The following MYO18B variants were observed in gnomAD, a reference collection of about 807,000 sequenced individuals.
The protein encoded by MYO18B is myosin XVIIIB.
Under a neutral mutation model 273.0 loss-of-function variants are expected in MYO18B, and 204 were observed. That is an observed-to-expected ratio of 0.75 (90% CI 0.67 to 0.84). MYO18B has a LOEUF of 0.84. Among genes scored for constraint, MYO18B ranks in the 40% least tolerant of loss-of-function variants. MYO18B has a pLI of 0.00. For synonymous variants in MYO18B, 1,330 were observed against 1,305.7 expected, an observed-to-expected ratio of 1.02 and a Z score of -0.40; for missense variants, 3,212 against 3,287.6, an observed-to-expected ratio of 0.98 and a Z score of 0.56.
chr22:25,933,504 C>G (rs2092537046), intron 34 of MYO18B, among the ~76,000 whole-genome samples: 1 of 152,224 alleles, frequency 6.6e-6, no homozygotes, highest in South Asian at 2.1e-4. Context: ...GAGAAATTCT[C>G]ACCATCCACA....
chr22:25,885,253 G>C (rs1298753501), intron 25 of MYO18B, among the ~76,000 whole-genome samples: 2 of 152,208 alleles, frequency 1.3e-5, no homozygotes, highest in Non-Finnish European at 2.9e-5. Flanking sequence ...CACAGATGAG[G>C]CAAGGGAAGC....
chr22:25,986,033 C>T lies in MYO18B; in HGVS notation c.6157-6330C>T, dbSNP rs141187302. The stretch of plus-strand genomic sequence containing the variant: ...TTTGAAGGAAGCAATGGCAGTTCCT[C>T]ATAGCCTTTCTTTCTGGGAAAGATT... On this transcript the variant is annotated intron_variant, in intron 39 of 43. Coordinates refer to ENST00000335473, the MANE Select transcript of MYO18B (RefSeq NM_032608.7). Among the ~76,000 whole-genome samples, 123 of 152,336 alleles carry T rather than the reference C, an allele frequency of 8.1e-4. 2 individuals carry two copies. The highest frequency in any genetic ancestry group is 2.9e-3 in the African/African-American group (121 of 41,586).
intron 12 of MYO18B, among the ~76,000 whole-genome samples, chr22:25,812,681 A>G (rs2088816541): frequency 6.6e-6 from 1 of 152,164 alleles, no homozygotes; most frequent in South Asian, 2.1e-4. Context: ...GCCAGTTCCC[A>G]TAGAGATCTC....
chr22:25,914,253 A>G (rs939427741), intron 33 of MYO18B, among the ~76,000 whole-genome samples: 2 of 152,046 alleles, frequency 1.3e-5, no homozygotes, highest in African/African-American at 2.4e-5. Context: ...TGACCCTTTA[A>G]TCTTCTTATT....
At chr22:25,873,689 C>T (rs1372384419) in intron 22 of MYO18B, among the ~76,000 whole-genome samples, 2 of 152,224 alleles carry the variant, frequency 1.3e-5, no homozygotes, top group African/African-American at 4.8e-5. Context: ...ATCCGCCCAC[C>T]TCAGCCTCCC....
intron 24 of MYO18B, 117 bp from the exon 25 acceptor site, chr22:25,877,842 A>C: frequency 1.4e-6 from 1 of 697,210 alleles, no homozygotes; most frequent in East Asian, 2.8e-5. Context: ...TCTGTGCAAT[A>C]GATTGCTAAG....
At chr22:25,809,211 G>T (rs1371295591) in intron 12 of MYO18B, among the ~76,000 whole-genome samples, 1 of 152,112 alleles carries the variant, frequency 6.6e-6, no homozygotes, top group Non-Finnish European at 1.5e-5. Flanking sequence ...CCAAAGCGCT[G>T]GGATTACAGG....
intron 1 of MYO18B, among the ~76,000 whole-genome samples, chr22:25,760,505 G>C (rs1726212277): frequency 6.6e-6 from 1 of 151,430 alleles, no homozygotes; most frequent in Admixed American, 6.6e-5. Context: ...GAAGTTCTAG[G>C]TCTCTGTTTA....
At position 25,867,133 on chromosome 22, in the gene MYO18B, A is replaced by G. The variant is rs914960398; in HGVS notation, c.3886-1187A>G. ...TTGTTGTGTGTGTGTATTAAAATAT[A>G]TATAACATAAAAGTTAATCTTAACC... On this transcript the variant is annotated intron_variant, in intron 21 of 43. Coordinates refer to ENST00000335473, the MANE Select transcript of MYO18B (RefSeq NM_032608.7). Among the ~76,000 whole-genome samples the G allele has an allele frequency of 3.9e-5, 6 of 152,358 alleles. No individual in the cohort carries two copies. In the East Asian group the frequency reaches 5.8e-4, roughly 15 times the overall value.
chr22:25,747,772 T>C (rs1050747575), intron 1 of MYO18B, among the ~76,000 whole-genome samples: 1 of 152,168 alleles, frequency 6.6e-6, no homozygotes, highest in Non-Finnish European at 1.5e-5. Flanking sequence ...ACCGGGGACA[T>C]AGCTGCTGCC....
rs778221516 is a variant in MYO18B at position 25,777,766 on chromosome 22, G to A, written c.2053G>A (p.Asp685Asn). ...EHLVGMAGSV[D>N]GRVSVEKIRA... ...CCTGGTGGGGATGGCAGGCAGTGTG[G>A]ATGGCAGGGTCTCAGGTATGGTGGT... Residue 685 changes from aspartate (D) to asparagine (N), a missense_variant, in exon 8 of 44, where the codon GAT becomes AAT. Physicochemically the swap from Asp to Asn is conservative, Grantham distance 23 (BLOSUM62 1). Coordinates refer to ENST00000335473, the MANE Select transcript of MYO18B (RefSeq NM_032608.7). The A allele has an allele frequency of 1.9e-6, 3 of 1,602,620 alleles. No individual in the cohort carries two copies. Among genetic ancestry groups the A allele is most frequent in the Admixed American group, 3.4e-5 (2 of 58,864 alleles).
chr22:25,973,682 G>A (rs2093059469), intron 39 of MYO18B, among the ~76,000 whole-genome samples: 2 of 152,184 alleles, frequency 1.3e-5, no homozygotes, highest in African/African-American at 4.8e-5. Flanking sequence ...TGTGGCTAGT[G>A]GCTACCATAT....
intron 19 of MYO18B, among the ~76,000 whole-genome samples, 170 bp from the exon 20 acceptor site, chr22:25,847,260 C>T (rs1461807961): frequency 6.6e-6 from 1 of 152,138 alleles, no homozygotes; most frequent in Non-Finnish European, 1.5e-5. Flanking sequence ...TCAACAAGAA[C>T]CATTATTTCT....
At position 25,772,482 on chromosome 22, in the gene MYO18B, G is replaced by A. The variant is rs757456424; in HGVS notation, c.1841G>A (p.Arg614Gln). 12 of 1,613,586 alleles carry A rather than the reference G, an allele frequency of 7.4e-6. No individual in the cohort carries two copies. Among genetic ancestry groups the A allele is most frequent in the East Asian group, 6.7e-5 (3 of 44,876 alleles). ...TGPDLIVLQP[R>Q]GPSVPSAGKV... Reference sequence around the variant, plus strand: ...CCTGATCTGATTGTCCTCCAGCCCCGGGGGCCCTCGGTGCCTTCTGCAGGG... The same window carrying A: ...CCTGATCTGATTGTCCTCCAGCCCCAGGGGCCCTCGGTGCCTTCTGCAGGG... Residue 614 changes from arginine (R) to glutamine (Q), a missense_variant, in exon 7 of 44, where the codon CGG (arginine) becomes CAG (glutamine). Coordinates refer to ENST00000335473, the MANE Select transcript of MYO18B (RefSeq NM_032608.7).
chr22:25,912,501 T>C, intron 33 of MYO18B, among the ~76,000 whole-genome samples: 1 of 152,198 alleles, frequency 6.6e-6, no homozygotes, highest in East Asian at 1.9e-4. Flanking sequence ...TTTAAATGAA[T>C]AAAAAGCCAT....
chr22:25,928,473 G>C (rs2092452506), intron 34 of MYO18B, among the ~76,000 whole-genome samples: 1 of 150,948 alleles, frequency 6.6e-6, no homozygotes, highest in East Asian at 1.9e-4. Flanking sequence ...AGAATATCAG[G>C]CTCTACCAGC....
At chr22:26,012,745 A>G (rs1935009853) in intron 42 of MYO18B, among the ~76,000 whole-genome samples, 1 of 152,160 alleles carries the variant, frequency 6.6e-6, no homozygotes. Context: ...TTTGTAGAAA[A>G]CTATTTGGAT....
chr22:26,032,258 G>C (rs750411373), downstream of MYO18B, among the ~76,000 whole-genome samples: 1 of 152,200 alleles, frequency 6.6e-6, no homozygotes, highest in Admixed American at 6.5e-5. Context: ...TCCACCGCCT[G>C]GGTGGCCTAA....
At chr22:26,048,347 G>A in the MYO18B span, among the ~76,000 whole-genome samples, 1 of 152,190 alleles carries the variant, frequency 6.6e-6, no homozygotes, top group Non-Finnish European at 1.5e-5. Context: ...ATGTGTGGAG[G>A]AGTCCCAGAT....
Sources: allele counts gnomAD v4.1 joint callset (sites outside exome capture counted in the v4.1 genomes callset), GRCh38; gene constraint gnomAD v4.1.1; transcripts MANE v1.5; gene names NCBI Gene and HGNC (gene_info 2026-07-23, HGNC 2026-07-21).